TXNDC16: variants seen among roughly 807,000 people sequenced by gnomAD.
The protein encoded by TXNDC16 is thioredoxin domain containing 16, also known as thioredoxin domain-containing protein 16.
In TXNDC16, 74 loss-of-function variants were observed where a neutral mutation model predicts 85.6. The ratio of observed to expected loss-of-function variants is 0.86; its 90% confidence interval spans 0.72 to 1.05. TXNDC16 has a LOEUF of 1.05. TXNDC16 is among the 50% of genes least tolerant of loss of function. The pLI, the probability that TXNDC16 is intolerant of heterozygous loss-of-function variation, is 0.00. For synonymous variants in TXNDC16, 335 were observed against 326.5 expected (o/e 1.03, Z -0.28); for missense variants, 959 against 947.0 (o/e 1.01, Z -0.17).
intron 12 of TXNDC16, among the ~76,000 whole-genome samples, chr14:52,487,189 A>C (rs1319415051): frequency 6.6e-6 from 1 of 152,220 alleles, no homozygotes; most frequent in Non-Finnish European, 1.5e-5. Flanking sequence ...ACCAGAACAC[A>C]GGTCTGCTTA....
chr14:52,470,947 CTT>C (rs1050855622), intron 14 of TXNDC16, among the ~76,000 whole-genome samples: 1 of 152,154 alleles, frequency 6.6e-6, no homozygotes, highest in Non-Finnish European at 1.5e-5. Context: ...GCTGCCTTCT[CTT>C]GTTTTTCTTC....
At position 52,514,780 on chromosome 14, in the gene TXNDC16, C is replaced by T. The variant is rs1417395677; in HGVS notation, c.605+100G>A. The T allele has an allele frequency of 1.8e-5, 15 of 817,584 alleles. No homozygotes were observed. The South Asian group carries it at 2.3e-4, about 12-fold the overall frequency. 50.6% of individuals were successfully genotyped at this position (817,584 alleles called of 1,614,324 possible). A position where few individuals can be genotyped will look rare whatever the true frequency, so the allele number is the denominator to read the frequency against. On this transcript the variant is annotated intron_variant, in intron 8 of 20. Coordinates refer to ENST00000281741, the MANE Select transcript of TXNDC16 (RefSeq NM_020784.3). ...ATCTGCTATGGTTCCTTTATCTAAGCCCATGCTGTGGGAGCATAATGGAAA... is the reference window on the plus strand; with the variant it reads ...ATCTGCTATGGTTCCTTTATCTAAGTCCATGCTGTGGGAGCATAATGGAAA...
chr14:52,543,457 TGA>T lies in TXNDC16; in HGVS notation c.99_100del (p.Gln34GlufsTer4), dbSNP rs866530348. On this transcript the variant is annotated frameshift_variant, in exon 3 of 21. Coordinates refer to ENST00000281741, the MANE Select transcript of TXNDC16 (RefSeq NM_020784.3). LOFTEE classifies it high-confidence loss of function. ...TGGTTGCAATGTACTAAAATATTTC[TGA>T]GGACTCAGTTCTGGTAAAGAGTTTA... 1.2e-6 allele frequency: 2 copies of T among 1,613,332 alleles called. No homozygotes were observed. The highest frequency in any genetic ancestry group is 2.7e-5 in the African/African-American group (2 of 74,906).
At chr14:52,517,523 A>C (rs1359924387) in intron 7 of TXNDC16, among the ~76,000 whole-genome samples, 1 of 151,992 alleles carries the variant, frequency 6.6e-6, no homozygotes, top group Non-Finnish European at 1.5e-5. Context: ...CAAACCAAAA[A>C]ACGTTTATAA....
chr14:52,455,511 A>G (rs770989350), intron 17 of TXNDC16, 49 bp from the exon 18 acceptor site: 3 of 1,605,270 alleles, frequency 1.9e-6, no homozygotes, highest in South Asian at 2.2e-5. Flanking sequence ...CTAGCATGTC[A>G]AAAACATGAA....
At chr14:52,480,982 T>TATGTGTATATATATATATATAC (rs2036137169) in intron 14 of TXNDC16, among the ~76,000 whole-genome samples, 2 of 91,626 alleles carry the variant, frequency 2.2e-5, no homozygotes, top group African/African-American at 8.6e-5. Flanking sequence ...TATGTATATA[T>TATGTGTATATATATATATATAC]ATATATATAT....
intron 4 of TXNDC16, among the ~76,000 whole-genome samples, chr14:52,539,160 T>C (rs1015619415): frequency 6.6e-6 from 1 of 152,154 alleles, no homozygotes; most frequent in African/African-American, 2.4e-5. Context: ...CTAATTAATA[T>C]GTAGTGTTAA....
chr14:52,462,763 A>G (rs929403082), intron 16 of TXNDC16: 5 of 364,854 alleles, frequency 1.4e-5, no homozygotes, highest in Non-Finnish European at 2.7e-5. Flanking sequence ...ATGTACTTCT[A>G]AAGTGTAGCA....
At chr14:52,446,880 A>G (rs973567061) in intron 18 of TXNDC16, among the ~76,000 whole-genome samples, 7 of 152,098 alleles carry the variant, frequency 4.6e-5, no homozygotes, top group Non-Finnish European at 1.0e-4. Flanking sequence ...GCATTTATCA[A>G]CTGCTAAGTG....
At position 52,483,042 on chromosome 14, in the gene TXNDC16, TATA is replaced by T. The variant is rs1594716578; in HGVS notation, c.1109-80_1109-78del. 7.3e-6 allele frequency: 9 copies of T among 1,230,302 alleles called. No individual in the cohort carries two copies. In the East Asian group the frequency reaches 1.3e-4, roughly 17 times the overall value. 76.2% of individuals were successfully genotyped at this position (1,230,302 alleles called of 1,614,324 possible). A position where few individuals can be genotyped will look rare whatever the true frequency, so the allele number is the denominator to read the frequency against. Reference sequence around the variant, plus strand: ...ATTTAAGCTCTTCTCATAGGAAGCATATAATAATTCAGTACTTTATACAAACTT... The same window carrying T: ...ATTTAAGCTCTTCTCATAGGAAGCATATAATTCAGTACTTTATACAAACTT... On this transcript the variant is annotated intron_variant, in intron 12 of 20. Transcript: ENST00000281741.
chr14:52,545,990 G>GA (rs2037933584), intron 1 of TXNDC16, among the ~76,000 whole-genome samples: 1 of 151,816 alleles, frequency 6.6e-6, no homozygotes, highest in Non-Finnish European at 1.5e-5. Flanking sequence ...AAAAGGGAAT[G>GA]AAAAACAATA....
rs982557717 is a variant in TXNDC16 at position 52,482,392 on chromosome 14, T to C, written c.1253-103A>G. The C allele has an allele frequency of 7.4e-6, 7 of 947,928 alleles. No individual in the cohort carries two copies. The East Asian group carries it at 7.6e-5, about 10-fold the overall frequency. 58.7% of individuals were successfully genotyped at this position (947,928 alleles called of 1,614,324 possible). ...AGATTTATGAGGTTTCCCAAAATTA[T>C]TGTTAATCAGAAATATTCTACTATA... is the stretch of plus-strand genomic sequence containing the variant. On this transcript the variant is annotated intron_variant, in intron 13 of 20. Coordinates refer to ENST00000281741, the MANE Select transcript of TXNDC16 (RefSeq NM_020784.3).
chr14:52,490,246 C>A, intron 11 of TXNDC16, 145 bp downstream of exon 11: 1 of 509,568 alleles, frequency 2.0e-6, no homozygotes, highest in Non-Finnish European at 3.3e-6. Context: ...ATGATAAAAA[C>A]ATCAAAACGT....
intron 8 of TXNDC16, among the ~76,000 whole-genome samples, 153 bp downstream of exon 8, chr14:52,514,727 G>C (rs560922638): frequency 6.6e-6 from 1 of 152,104 alleles, no homozygotes; most frequent in East Asian, 1.9e-4. Flanking sequence ...GTAATAAAGG[G>C]GATTTCAGGT....
chr14:52,457,149 T>G lies in TXNDC16; in HGVS notation c.1644A>C (p.Gly548=), dbSNP rs754042740. The change falls in exon 17 of 21, where the codon GGA becomes GGC. Residue 548 remains glycine, a synonymous_variant. Transcript: ENST00000281741. ...KTAKEDFSEA[G]NYLKGYVITG... is the part of the protein sequence containing the mutation. ...TGATAACATATCCTTTTAGGTAGTTTCCTGCTTCACTAAAATCTTCTTTTG... is the reference window on the plus strand; with the variant it reads ...TGATAACATATCCTTTTAGGTAGTTGCCTGCTTCACTAAAATCTTCTTTTG... 6.3e-7 allele frequency: 1 copy of G among 1,589,676 alleles called. No homozygotes were observed. The highest frequency in any genetic ancestry group is 8.5e-7 in the Non-Finnish European group (1 of 1,171,248).
chr14:52,528,461 A>C (rs1465992807), intron 6 of TXNDC16, among the ~76,000 whole-genome samples: 11 of 152,090 alleles, frequency 7.2e-5, no homozygotes, highest in Admixed American at 7.2e-4. Flanking sequence ...ATATTTTAAT[A>C]TGTATGTCAT....
chr14:52,504,239 GA>G (rs1343478002), intron 9 of TXNDC16, among the ~76,000 whole-genome samples: 1 of 152,040 alleles, frequency 6.6e-6, no homozygotes, highest in Non-Finnish European at 1.5e-5. Flanking sequence ...CATACTCCTC[GA>G]GAAGAACAAC....
Position 52,525,699 on chromosome 14 carries a change from AAATAATAATAATAAT to A in TXNDC16, c.393-6421_393-6407del, listed in dbSNP as rs199701557. Among the ~76,000 whole-genome samples the A allele has an allele frequency of 1.9e-3, 230 of 121,332 alleles. 3 individuals carry two copies. Among genetic ancestry groups the A allele is most frequent in the African/African-American group, 1.5e-3 (54 of 34,918 alleles). 79.6% of individuals were successfully genotyped at this position (121,332 alleles called of 152,430 possible). On this transcript the variant is annotated intron_variant, in intron 6 of 20. Transcript: ENST00000281741. ...GGCGACAGAGTGAGACTCCATCTCA[AAATAATAATAATAAT>A]AATAATAATAATAATAATAATAATA...
At chr14:52,436,699 AAAAT>A (rs1435122440) in intron 20 of TXNDC16, among the ~76,000 whole-genome samples, 3 of 152,202 alleles carry the variant, frequency 2.0e-5, no homozygotes, top group Admixed American at 2.0e-4. Context: ...GATTGACCCT[AAAAT>A]AAATTAAAGT....
Sources: gnomAD v4.1 joint callset for allele counts (sites outside exome capture counted in the v4.1 genomes callset) on GRCh38, gnomAD v4.1.1 for gene constraint, MANE v1.5 for transcripts, NCBI Gene and HGNC (gene_info 2026-07-23, HGNC 2026-07-21) for gene names.